GPC5: variants seen among roughly 807,000 people sequenced by gnomAD.
The protein encoded by GPC5 is glypican 5.
In GPC5, 47 loss-of-function variants were observed where a neutral mutation model predicts 53.9. The ratio of observed to expected loss-of-function variants is 0.87; its 90% confidence interval spans 0.69 to 1.11. GPC5 has a LOEUF of 1.11. GPC5 is among the 50% of genes most tolerant of loss of function. GPC5 has a pLI of 0.00. For missense variants in GPC5, 748 were observed against 713.1 expected, an observed-to-expected ratio of 1.05 and a Z score of -0.56; for synonymous variants, 286 against 263.3, an observed-to-expected ratio of 1.09 and a Z score of -0.84.
chr13:92,754,924 G>C lies in GPC5; in HGVS notation c.1562-111358G>C, dbSNP rs553904162. On this transcript the variant is annotated intron_variant, in intron 7 of 7. Transcript: ENST00000377067. The stretch of plus-strand genomic sequence containing the variant: ...CTGTCAACATTAGACAGATCAACGA[G>C]ACAGAAAGTCAACAAGGATACCCAG... Among the ~76,000 whole-genome samples, 7 of 150,646 alleles carry C rather than the reference G, an allele frequency of 4.6e-5. No homozygotes were observed. In the South Asian group the frequency reaches 6.4e-4, roughly 14 times the overall value.
chr13:91,993,253 G>A lies in GPC5; in HGVS notation c.1401+85196G>A, dbSNP rs147783845. Among the ~76,000 whole-genome samples, 162 of 152,188 alleles carry A rather than the reference G, an allele frequency of 1.1e-3. 1 individual carries two copies. Among genetic ancestry groups the A allele is most frequent in the African/African-American group, 3.8e-3 (157 of 41,514 alleles). ...CAACCTCCCTTCCTCAGCCTTTTCA[G>A]GCCTCAAATCCTCTTTTAATTTTAA... On this transcript the variant is annotated intron_variant, in intron 6 of 7. Transcript: ENST00000377067.
intron 6 of GPC5, among the ~76,000 whole-genome samples, chr13:92,131,589 T>G (rs975753142): frequency 3.3e-5 from 5 of 152,042 alleles, no homozygotes; most frequent in Non-Finnish European, 7.4e-5. Context: ...GCATGTATAC[T>G]GCATGATACT....
At chr13:91,723,950 G>A (rs183877987) in intron 3 of GPC5, among the ~76,000 whole-genome samples, 48 of 152,210 alleles carry the variant, frequency 3.2e-4, no homozygotes, top group Non-Finnish European at 6.0e-4. Context: ...AACTAAAATC[G>A]TGGACTTTCT....
At chr13:91,638,957 C>T (rs2034352292) in intron 2 of GPC5, among the ~76,000 whole-genome samples, 1 of 152,008 alleles carries the variant, frequency 6.6e-6, no homozygotes, top group African/African-American at 2.4e-5. Context: ...TACAAAAAGG[C>T]AATGATGCTT....
At chr13:92,840,682 T>C (rs1216842785) in intron 7 of GPC5, among the ~76,000 whole-genome samples, 7 of 152,064 alleles carry the variant, frequency 4.6e-5, no homozygotes, top group Admixed American at 4.6e-4. Context: ...AGTTTATAGA[T>C]TGCTTTGGGT....
intron 2 of GPC5, among the ~76,000 whole-genome samples, chr13:91,660,105 G>A (rs918850098): frequency 3.9e-5 from 6 of 152,176 alleles, no homozygotes; most frequent in Non-Finnish European, 8.8e-5. Flanking sequence ...GTTGGTTAGG[G>A]GAAACATGTT....
At position 92,244,659 on chromosome 13, in the gene GPC5, A is replaced by G. The variant is rs115459209; in HGVS notation, c.1561+99670A>G. On this transcript the variant is annotated intron_variant, in intron 7 of 7. Transcript: ENST00000377067. ...TTTTGTACTCCCAAACCACTCACAC[A>G]ATGCATTTATACATGTAACATTTTC... 5.3e-3 allele frequency among the ~76,000 whole-genome samples: 809 copies of G among 152,290 alleles called. 6 individuals carry two copies. Among genetic ancestry groups the G allele is most frequent in the African/African-American group, 0.019 (775 of 41,560 alleles).
chr13:91,687,640 G>C (rs1215511403), intron 2 of GPC5, among the ~76,000 whole-genome samples: 1 of 151,902 alleles, frequency 6.6e-6, no homozygotes, highest in East Asian at 1.9e-4. Context: ...CTACCACTCA[G>C]GCATTATAAG....
At chr13:92,089,064 GA>G (rs2041357447) in intron 6 of GPC5, among the ~76,000 whole-genome samples, 1 of 152,182 alleles carries the variant, frequency 6.6e-6, no homozygotes, top group African/African-American at 2.4e-5. Context: ...GGAGAAGTAC[GA>G]AATTAAAGTT....
At chr13:92,384,320 T>C (rs1014381262) in intron 7 of GPC5, among the ~76,000 whole-genome samples, 1 of 152,140 alleles carries the variant, frequency 6.6e-6, no homozygotes, top group African/African-American at 2.4e-5. Flanking sequence ...TGAAATTCAC[T>C]TGGGGACTCA....
intron 7 of GPC5, among the ~76,000 whole-genome samples, chr13:92,836,854 C>G (rs985534443): frequency 2.0e-5 from 3 of 151,982 alleles, no homozygotes; most frequent in African/African-American, 7.2e-5. Context: ...TTCCAAATCT[C>G]TTTTGGAAAG....
At chr13:92,227,224 C>T (rs1482439577) in intron 7 of GPC5, among the ~76,000 whole-genome samples, 6 of 152,152 alleles carry the variant, frequency 3.9e-5, no homozygotes, top group Non-Finnish European at 8.8e-5. Flanking sequence ...GATTTAATGT[C>T]TACAGATTGA....
chr13:91,862,433 G>T (rs1191645948), intron 5 of GPC5, among the ~76,000 whole-genome samples: 1 of 152,134 alleles, frequency 6.6e-6, no homozygotes, highest in Non-Finnish European at 1.5e-5. Context: ...ATAGGGTGGG[G>T]AAGGTGCTAC....
chr13:91,530,251 C>T (rs547475282), intron 2 of GPC5, among the ~76,000 whole-genome samples: 1 of 152,254 alleles, frequency 6.6e-6, no homozygotes, highest in South Asian at 2.1e-4. Context: ...TTTGGATATC[C>T]CTGGAGAGTG....
intron 6 of GPC5, among the ~76,000 whole-genome samples, chr13:91,976,056 C>G (rs1296925239): frequency 2.6e-5 from 4 of 151,828 alleles, no homozygotes; most frequent in Non-Finnish European, 5.9e-5. Flanking sequence ...TCACTCATAG[C>G]TAGGAATTGA....
intron 7 of GPC5, among the ~76,000 whole-genome samples, chr13:92,165,483 C>A (rs562644411): frequency 4.7e-4 from 72 of 152,232 alleles, no homozygotes; most frequent in Non-Finnish European, 8.5e-4. Context: ...ACAATCATGG[C>A]AGAAGGCACT....
chr13:91,647,322 G>A (rs1004924932), intron 2 of GPC5, among the ~76,000 whole-genome samples: 2 of 152,140 alleles, frequency 1.3e-5, no homozygotes, highest in Non-Finnish European at 2.9e-5. Context: ...CACATTCCAC[G>A]CTTGACCCTG....
At chr13:92,397,633 G>A (rs1875347694) in intron 7 of GPC5, among the ~76,000 whole-genome samples, 1 of 152,034 alleles carries the variant, frequency 6.6e-6, no homozygotes, top group African/African-American at 2.4e-5. Context: ...CATGGTGATG[G>A]TTTCCTCTGC....
intron 7 of GPC5, among the ~76,000 whole-genome samples, chr13:92,813,868 C>T (rs766855454): frequency 6.6e-6 from 1 of 151,936 alleles, no homozygotes; most frequent in Non-Finnish European, 1.5e-5. Context: ...TCTCCTTTGA[C>T]TTTAGTAGAA....
Sources: allele counts gnomAD v4.1 joint callset (sites outside exome capture counted in the v4.1 genomes callset), GRCh38; gene constraint gnomAD v4.1.1; transcripts MANE v1.5; gene names NCBI Gene and HGNC (gene_info 2026-07-23, HGNC 2026-07-21).